The following SMC3 variants were observed in gnomAD, a reference collection of about 807,000 sequenced individuals.
SMC3 encodes structural maintenance of chromosomes protein 3.
SMC3 carries 20 observed loss-of-function variants against 171.8 expected under a neutral mutation model. That is an observed-to-expected ratio of 0.12 (90% confidence interval 0.08 to 0.17). The LOEUF is 0.17. Ranked by LOEUF, SMC3 falls within the 10% of genes least tolerant of loss-of-function variation. The pLI, the probability that SMC3 is intolerant of heterozygous loss-of-function variation, is 1.00. For synonymous variants in SMC3, 464 were observed against 451.1 expected (o/e 1.03, Z -0.36); for missense variants, 543 against 1,420.4 (o/e 0.38, Z 9.93).
chr10:110,593,307 C>T, intron 18 of SMC3, 84 bp downstream of exon 18: 5 of 1,389,962 alleles, frequency 3.6e-6, no homozygotes, highest in Non-Finnish European at 5.0e-6. Context: ...CGCAGTGGCT[C>T]ATGCCTGTAA....
intron 27 of SMC3, 55 bp downstream of exon 27, chr10:110,603,057 G>T: frequency 6.3e-7 from 1 of 1,583,794 alleles, no homozygotes; most frequent in South Asian, 1.1e-5. Context: ...GGTAATATTT[G>T]CTGATGTATA....
intron 7 of SMC3, 64 bp downstream of exon 7, chr10:110,578,770 T>C (rs1860992065): frequency 7.6e-7 from 1 of 1,312,124 alleles, no homozygotes; most frequent in Non-Finnish European, 1.1e-6. Context: ...GAGTGATGAA[T>C]TTGGTTTATT....
chr10:110,567,810 CGGA>C lies in SMC3; in HGVS notation c.-6_-4del. 1 of 1,613,494 alleles carries C rather than the reference CGGA, an allele frequency of 6.2e-7. No individual in the cohort carries two copies. Among genetic ancestry groups the C allele is most frequent in the Non-Finnish European group, 8.5e-7 (1 of 1,179,784 alleles). The stretch of plus-strand genomic sequence containing the variant: ...CAGGTCTCCTTCCAGGCCAGGGGCC[CGGA>C]ATCATGTACATAAAGCAGGTAAGGC... On this transcript the variant is annotated 5_prime_UTR_variant, in exon 1 of 29. Transcript: ENST00000361804.
rs558975039 is a variant in SMC3 at position 110,604,887 on chromosome 10, T to C, written c.*585T>C. ...AACTAAGCTCAAGATTTTATTCAGA[T>C]TTGACTAGTTTTTCCACTAAGGCCC... On this transcript the variant is annotated 3_prime_UTR_variant, in exon 29 of 29. Transcript: ENST00000361804. Among the ~76,000 whole-genome samples the C allele has an allele frequency of 4.6e-5, 7 of 152,320 alleles. No individual in the cohort carries two copies. The highest frequency in any genetic ancestry group is 1.4e-4 in the African/African-American group (6 of 41,580).
Position 110,602,802 on chromosome 10 carries a change from A to G in SMC3, c.3298-23A>G, listed in dbSNP as rs1861406847. 4 of 1,606,998 alleles carry G rather than the reference A, an allele frequency of 2.5e-6. No individual in the cohort carries two copies. In the African/African-American group the frequency reaches 5.3e-5, roughly 21 times the overall value. On this transcript the variant is annotated intron_variant, in intron 26 of 28. Transcript: ENST00000361804. ...GGTGATTCTGCCCTTTAGGATATTAACTCATAATATGTTTATTTTTAGGTG... is the reference window on the plus strand; with the variant it reads ...GGTGATTCTGCCCTTTAGGATATTAGCTCATAATATGTTTATTTTTAGGTG...
chr10:110,595,723 AAG>A lies in SMC3; in HGVS notation c.1964-674_1964-673del, dbSNP rs1467392322. Among the ~76,000 whole-genome samples the A allele has an allele frequency of 2.9e-5, 4 of 139,274 alleles. No homozygotes were observed. The East Asian group carries it at 8.3e-4, about 29-fold the overall frequency. 91.4% of individuals were successfully genotyped at this position (139,274 alleles called of 152,430 possible). On this transcript the variant is annotated intron_variant, in intron 18 of 28. Coordinates refer to ENST00000361804, the MANE Select transcript of SMC3 (RefSeq NM_005445.4). ...AGTCTCCAATTTTCATTTTTTAAAA[AAG>A]TATCACTGTGATTCATGAATTTTTT... is the stretch of plus-strand genomic sequence containing the variant.
chr10:110,573,980 T>C (rs568554721), intron 3 of SMC3, among the ~76,000 whole-genome samples: 3 of 152,284 alleles, frequency 2.0e-5, no homozygotes, highest in African/African-American at 7.2e-5. Flanking sequence ...AATTTTTCTT[T>C]TCACTTTAAA....
At chr10:110,597,014 C>T (rs867262454) in intron 19 of SMC3, among the ~76,000 whole-genome samples, 3 of 151,790 alleles carry the variant, frequency 2.0e-5, no homozygotes, top group Admixed American at 6.6e-5. Context: ...TACAGTGGCA[C>T]AGGCCTGTAG....
chr10:110,593,980 C>G (rs1163592374), intron 18 of SMC3, among the ~76,000 whole-genome samples: 2 of 151,906 alleles, frequency 1.3e-5, no homozygotes, highest in Non-Finnish European at 2.9e-5. Context: ...AGAGCAAGAT[C>G]CTGTCTCAAA....
chr10:110,597,540 C>T (rs978685286), intron 19 of SMC3, among the ~76,000 whole-genome samples: 1 of 152,178 alleles, frequency 6.6e-6, no homozygotes, highest in Admixed American at 6.5e-5. Context: ...GCCATCAGTG[C>T]AAGCACAGAA....
In SMC3 at chr10:110,601,632, C is replaced by T; in HGVS notation, c.2645-5C>T. 3.7e-6 allele frequency: 6 copies of T among 1,610,618 alleles called. No individual in the cohort carries two copies. Among genetic ancestry groups the T allele is most frequent in the Non-Finnish European group, 5.1e-6 (6 of 1,179,586 alleles). On this transcript the variant is annotated splice_region_variant and splice_polypyrimidine_tract_variant and intron_variant, in intron 23 of 28. Coordinates refer to ENST00000361804, the MANE Select transcript of SMC3 (RefSeq NM_005445.4). ...ATAGCCTAATTTTGTTTCCCCCCAT[C>T]TTAGATTTGGACAATTCCATTGATA...
Position 110,600,557 on chromosome 10 carries a change from G to GT in SMC3, c.2535+28dup, listed in dbSNP as rs397847637. 135,241 of 933,440 alleles carry GT rather than the reference G, an allele frequency of 0.14. 145 individuals are homozygous for GT. The highest frequency in any genetic ancestry group is 0.16 in the South Asian group (11,075 of 67,770). The allele number at this position is 933,440 out of a possible 1,614,324, so 57.8% of individuals were successfully genotyped here. On this transcript the variant is annotated intron_variant, in intron 22 of 28. Transcript: ENST00000361804. ...GACCAAGTAGAACAGGTGTGTATGT[G>GT]TTTTTTTTTTTTTTTTTAAGGGCTC...
At chr10:110,569,624 A>G (rs2134708403) in intron 2 of SMC3, among the ~76,000 whole-genome samples, 1 of 152,282 alleles carries the variant, frequency 6.6e-6, no homozygotes, top group Non-Finnish European at 1.5e-5. Context: ...CTAGTATAAC[A>G]ACAACGAAAA....
In SMC3 at chr10:110,578,725, C is replaced by G; in HGVS notation, c.429+19C>G. On this transcript the variant is annotated intron_variant, in intron 7 of 28. Transcript: ENST00000361804. ...AGGAAAGGTAAAACAATTGTATGTC[C>G]TTTTTAAGTAGAATTTGTTTTCTGA... 1.3e-6 allele frequency: 2 copies of G among 1,535,280 alleles called. No individual in the cohort carries two copies. Among genetic ancestry groups the G allele is most frequent in the South Asian group, 2.3e-5 (2 of 87,132 alleles).
chr10:110,571,784 GGGTT>G (rs1860876939), intron 2 of SMC3, among the ~76,000 whole-genome samples: 2 of 13,132 alleles, frequency 1.5e-4, no homozygotes, highest in Non-Finnish European at 1.1e-3. Context: ...AAATAAAAAT[GGGTT>G]CATTTTTAAA....
At chr10:110,573,525 A>C (rs1426934911) in intron 2 of SMC3, among the ~76,000 whole-genome samples, 182 bp from the exon 3 acceptor site, 5 of 151,216 alleles carry the variant, frequency 3.3e-5, no homozygotes, top group Non-Finnish European at 7.4e-5. Flanking sequence ...TCTGTACAAA[A>C]ATTGAATTTA....
chr10:110,584,155 T>C, intron 12 of SMC3, 28 bp from the exon 13 acceptor site: 8 of 1,600,500 alleles, frequency 5.0e-6, no homozygotes, highest in Non-Finnish European at 6.9e-6. Context: ...ATTCTCCTTT[T>C]CATCCCATTT....
In SMC3 at chr10:110,600,885, G is replaced by T; in HGVS notation, c.2536-137G>T. 4 of 665,946 alleles carry T rather than the reference G, an allele frequency of 6.0e-6. 1 individual carries two copies. Among genetic ancestry groups the T allele is most frequent in the South Asian group, 5.9e-5 (3 of 51,154 alleles). The allele number at this position is 665,946 out of a possible 1,614,324, so 41.3% of individuals were successfully genotyped here. A position where few individuals can be genotyped will look rare whatever the true frequency, so the allele number is the denominator to read the frequency against. ...TGTCTTTTTTTTCTTCCCTTTAATG[G>T]ATACTTCTAAGTATTTGTAATTATA... On this transcript the variant is annotated intron_variant, in intron 22 of 28. Transcript: ENST00000361804.
chr10:110,594,689 G>A (rs567787877), intron 18 of SMC3, among the ~76,000 whole-genome samples: 17 of 151,176 alleles, frequency 1.1e-4, no homozygotes, highest in African/African-American at 4.1e-4. Context: ...TTTATTTGTT[G>A]AAGAAAGCAG....
Sources: allele counts gnomAD v4.1 joint callset (sites outside exome capture counted in the v4.1 genomes callset), GRCh38; gene constraint gnomAD v4.1.1; transcripts MANE v1.5; gene names NCBI Gene and HGNC (gene_info 2026-07-23, HGNC 2026-07-21).